Variants in TLK1 observed in about 807,000 individuals in gnomAD.
The protein encoded by TLK1 is tousled like kinase 1.
Under a neutral mutation model 105.3 loss-of-function variants are expected in TLK1, and 24 were observed. The ratio of observed to expected loss-of-function variants is 0.23; its 90% CI spans 0.17 to 0.32. TLK1 has a LOEUF of 0.32. Ranked by LOEUF, TLK1 falls within the 10% of genes least tolerant of loss-of-function variation. TLK1 has a pLI of 1.00. For synonymous variants in TLK1, 321 were observed against 310.4 expected (o/e 1.03, Z -0.36); for missense variants, 558 against 910.5 (o/e 0.61, Z 4.98).
At chr2:171,067,306 C>G (rs1688045875) in intron 3 of TLK1, among the ~76,000 whole-genome samples, 1 of 144,414 alleles carries the variant, frequency 6.9e-6, no homozygotes, top group Admixed American at 7.2e-5. Flanking sequence ...ACTACAGGCA[C>G]CCGCCACCAC....
chr2:171,081,398 C>G (rs1169278506), intron 3 of TLK1, among the ~76,000 whole-genome samples: 1 of 152,132 alleles, frequency 6.6e-6, no homozygotes, highest in African/African-American at 2.4e-5. Context: ...TTTTATTGCT[C>G]TTCATAACAC....
At chr2:171,073,449 G>A in intron 3 of TLK1, among the ~76,000 whole-genome samples, 1 of 152,024 alleles carries the variant, frequency 6.6e-6, no homozygotes, top group Non-Finnish European at 1.5e-5. Context: ...GAATATATCA[G>A]AATTTCCAAG....
At chr2:171,072,652 C>T (rs896885789) in intron 3 of TLK1, among the ~76,000 whole-genome samples, 1 of 152,138 alleles carries the variant, frequency 6.6e-6, no homozygotes, top group African/African-American at 2.4e-5. Context: ...CCTGTAATCC[C>T]AGCTACTGGG....
intron 2 of TLK1, among the ~76,000 whole-genome samples, chr2:171,114,851 A>G (rs572225722): frequency 6.7e-6 from 1 of 149,364 alleles, no homozygotes; most frequent in African/African-American, 2.5e-5. Context: ...AAAAAAAAAG[A>G]AGAAGAAAGA....
In TLK1 at chr2:171,115,416, G is replaced by A. The variant is rs188617829; in HGVS notation, c.258+2323C>T. Among the ~76,000 whole-genome samples, 22 of 151,884 alleles carry A rather than the reference G, an allele frequency of 1.4e-4. No homozygotes were observed. The South Asian group carries it at 3.7e-3, about 26-fold the overall frequency. The stretch of plus-strand genomic sequence containing the variant: ...TTGAACTCCTGACCTCAGGTGACCC[G>A]CCCACCTCGGCCTCCCAAAGTGCTG... On this transcript the variant is annotated intron_variant, in intron 2 of 20. Transcript: ENST00000431350.
At chr2:171,036,063 G>C (rs965649681) in intron 11 of TLK1, among the ~76,000 whole-genome samples, 5 of 152,014 alleles carry the variant, frequency 3.3e-5, no homozygotes, top group Admixed American at 6.6e-5. Flanking sequence ...TTCTTACCTG[G>C]AAGTAGAATG....
intron 11 of TLK1, among the ~76,000 whole-genome samples, chr2:171,042,202 A>G (rs1686710822): frequency 6.6e-6 from 1 of 152,196 alleles, no homozygotes; most frequent in Non-Finnish European, 1.5e-5. Flanking sequence ...GACAAACCAG[A>G]AAGATGATCT....
intron 1 of TLK1, among the ~76,000 whole-genome samples, chr2:171,167,439 A>T (rs1692629654): frequency 6.6e-6 from 1 of 152,138 alleles, no homozygotes; most frequent in South Asian, 2.1e-4. Flanking sequence ...AGTTTTTTTG[A>T]TTAGTTGCTT....
At chr2:171,217,426 C>T (rs1693735314) in intron 1 of TLK1, among the ~76,000 whole-genome samples, 1 of 152,152 alleles carries the variant, frequency 6.6e-6, no homozygotes, top group Admixed American at 6.5e-5. Context: ...GGTTTCTGGA[C>T]CCTCCTGTTC....
intron 18 of TLK1, among the ~76,000 whole-genome samples, chr2:171,002,806 T>C (rs1422863650): frequency 6.6e-6 from 1 of 151,908 alleles, no homozygotes; most frequent in Non-Finnish European, 1.5e-5. Context: ...TGGCTAATTT[T>C]TGTATTTTTA....
At chr2:171,148,922 T>TGTGC (rs1553483993) in intron 1 of TLK1, among the ~76,000 whole-genome samples, 2 of 147,260 alleles carry the variant, frequency 1.4e-5, no homozygotes, top group East Asian at 2.0e-4. Context: ...TGTGTGTGTG[T>TGTGC]GTGTGCGTGT....
rs113812032 is a variant in TLK1, at chr2:171,177,284, G to A, written c.-6+53861C>T. Among the ~76,000 whole-genome samples, 699 of 151,970 alleles carry A rather than the reference G, an allele frequency of 4.6e-3. 3 individuals carry two copies. Among genetic ancestry groups the A allele is most frequent in the Non-Finnish European group, 6.8e-3 (461 of 67,972 alleles). ...AGTCTCCAGAGTAGCTGGTACTACA[G>A]GCACACACCACCATGCCTGGCTAAT... On this transcript the variant is annotated intron_variant, in intron 1 of 20. Coordinates refer to the TLK1 transcript ENST00000521943.
chr2:171,220,978 G>A (rs1452562338), intron 1 of TLK1, among the ~76,000 whole-genome samples: 1 of 152,096 alleles, frequency 6.6e-6, no homozygotes, highest in Non-Finnish European at 1.5e-5. Context: ...TTGAGCCCAG[G>A]AGTTTGAGAC....
intron 1 of TLK1, chr2:171,154,550 C>T (rs1692162645): frequency 6.6e-6 from 1 of 152,162 alleles, no homozygotes; most frequent in Non-Finnish European, 1.5e-5. Flanking sequence ...AGATCCGGTT[C>T]AGCTCTGTAA....
chr2:171,096,430 T>G (rs1689455344), intron 2 of TLK1, among the ~76,000 whole-genome samples: 1 of 151,678 alleles, frequency 6.6e-6, no homozygotes, highest in Non-Finnish European at 1.5e-5. Flanking sequence ...ATAAAACACT[T>G]CCATTTACAA....
chr2:171,083,947 A>T (rs1373814098), intron 2 of TLK1, among the ~76,000 whole-genome samples: 2 of 152,192 alleles, frequency 1.3e-5, no homozygotes, highest in African/African-American at 2.4e-5. Context: ...TTCTGGGACA[A>T]TAAGGGCAGT....
intron 1 of TLK1, among the ~76,000 whole-genome samples, chr2:171,192,979 G>A (rs138869910): frequency 1.7e-4 from 26 of 152,298 alleles, no homozygotes; most frequent in African/African-American, 5.5e-4. Flanking sequence ...TTTAACATAT[G>A]TACATTTTAG....
chr2:171,030,544 C>G (rs1434179583), intron 11 of TLK1, among the ~76,000 whole-genome samples: 1 of 152,034 alleles, frequency 6.6e-6, no homozygotes, highest in Non-Finnish European at 1.5e-5. Context: ...AATATCTCAA[C>G]TAATCTAGAA....
At chr2:171,184,984 G>A (rs1692999252) in intron 1 of TLK1, among the ~76,000 whole-genome samples, 1 of 151,972 alleles carries the variant, frequency 6.6e-6, no homozygotes, top group Non-Finnish European at 1.5e-5. Context: ...GACTACAGGT[G>A]CCCGCCACCA....
Sources: allele counts gnomAD v4.1 joint callset (sites outside exome capture counted in the v4.1 genomes callset), GRCh38; gene constraint gnomAD v4.1.1; transcripts MANE v1.5; gene names NCBI Gene and HGNC (gene_info 2026-07-23, HGNC 2026-07-21).